Variants in KAZN observed in about 807,000 individuals in gnomAD.
KAZN encodes kazrin, periplakin interacting protein.
KAZN carries 40 observed loss-of-function variants against 87.4 expected under a neutral mutation model. That is an observed-to-expected ratio of 0.46 (90% CI 0.36 to 0.60). The LOEUF (loss-of-function observed/expected upper bound fraction) is 0.60. KAZN is among the 20% of genes least tolerant of loss of function. The pLI is 0.00. For missense variants in KAZN, 898 were observed against 1,073.9 expected, an observed-to-expected ratio of 0.84 and a Z score of 2.29; for synonymous variants, 466 against 458.3, an observed-to-expected ratio of 1.02 and a Z score of -0.22.
intron 1 of KAZN, among the ~76,000 whole-genome samples, chr1:14,839,021 A>G (rs1035822841): frequency 3.3e-5 from 5 of 152,208 alleles, no homozygotes; most frequent in African/African-American, 1.2e-4. Context: ...AACTCCTGCC[A>G]GGGGCATCAT....
At chr1:14,021,187 C>A (rs2101253973) in intron 1 of KAZN, among the ~76,000 whole-genome samples, 1 of 152,240 alleles carries the variant, frequency 6.6e-6, no homozygotes, top group African/African-American at 2.4e-5. Flanking sequence ...CACTAGATGC[C>A]AGCACACCAC....
At chr1:14,067,213 C>A (rs1033655802) in intron 1 of KAZN, among the ~76,000 whole-genome samples, 1 of 152,186 alleles carries the variant, frequency 6.6e-6, no homozygotes, top group Non-Finnish European at 1.5e-5. Context: ...CATAGCCTAG[C>A]ACAGTGCCTG....
chr1:15,033,361 T>C (rs1316339651), intron 2 of KAZN, among the ~76,000 whole-genome samples: 4 of 152,248 alleles, frequency 2.6e-5, no homozygotes, highest in Non-Finnish European at 4.4e-5. Flanking sequence ...TGGGCTCTGA[T>C]GAATAATGCT....
chr1:15,109,925 G>GTGTA (rs1491384691), intron 13 of KAZN, among the ~76,000 whole-genome samples: 2 of 77,668 alleles, frequency 2.6e-5, no homozygotes, highest in South Asian at 1.3e-3. Flanking sequence ...TTGTGTATGG[G>GTGTA]TGTGTGTGTG....
At chr1:14,777,698 G>T (rs1442211902) in intron 1 of KAZN, among the ~76,000 whole-genome samples, 1 of 152,140 alleles carries the variant, frequency 6.6e-6, no homozygotes, top group African/African-American at 2.4e-5. Context: ...TGTCACTCGG[G>T]TCTGAATAAA....
intron 2 of KAZN, among the ~76,000 whole-genome samples, chr1:14,518,982 G>A (rs985415241): frequency 6.6e-6 from 1 of 152,126 alleles, no homozygotes; most frequent in East Asian, 1.9e-4. Flanking sequence ...GTTGCTCTAG[G>A]GACCCTGAAT....
At chr1:14,013,442 T>C (rs1640414765) in intron 1 of KAZN, among the ~76,000 whole-genome samples, 1 of 152,058 alleles carries the variant, frequency 6.6e-6, no homozygotes, top group African/African-American at 2.4e-5. Context: ...AACCCCAAAA[T>C]GACAACCCCC....
intron 2 of KAZN, among the ~76,000 whole-genome samples, chr1:15,013,858 G>A (rs1412103290): frequency 2.0e-5 from 3 of 152,140 alleles, no homozygotes; most frequent in Non-Finnish European, 2.9e-5. Flanking sequence ...ACGTGCATGG[G>A]ATTGGGGTGA....
intron 2 of KAZN, among the ~76,000 whole-genome samples, chr1:14,245,114 C>T (rs531802230): frequency 1.3e-5 from 2 of 152,030 alleles, no homozygotes; most frequent in Non-Finnish European, 2.9e-5. Flanking sequence ...GTGCCCACCA[C>T]CACGCCTGGC....
chr1:14,344,100 C>T (rs1398992936), intron 2 of KAZN, among the ~76,000 whole-genome samples: 1 of 151,996 alleles, frequency 6.6e-6, no homozygotes, highest in African/African-American at 2.4e-5. Context: ...AAGATCTTGT[C>T]CTGCCTATTA....
At chr1:14,714,333 G>T (rs187537097) in intron 1 of KAZN, among the ~76,000 whole-genome samples, 34 of 152,256 alleles carry the variant, frequency 2.2e-4, no homozygotes, top group African/African-American at 8.2e-4. Context: ...TTCTCAATTA[G>T]CTGGATAATT....
chr1:14,962,199 C>T (rs1221165025), intron 2 of KAZN, among the ~76,000 whole-genome samples: 1 of 152,212 alleles, frequency 6.6e-6, no homozygotes, highest in African/African-American at 2.4e-5. Context: ...GACTATCCCC[C>T]AGAAAGCCTG....
intron 2 of KAZN, among the ~76,000 whole-genome samples, chr1:14,328,221 G>T (rs1281282257): frequency 6.6e-6 from 1 of 152,058 alleles, no homozygotes; most frequent in Non-Finnish European, 1.5e-5. Context: ...ACCAATCTCA[G>T]TTTCTTTAGC....
rs914187134 is a variant in KAZN, at chr1:15,066,420, C to T, written c.1222+667C>T. 2.0e-6 allele frequency: 2 copies of T among 985,124 alleles called. No individual in the cohort carries two copies. The highest frequency in any genetic ancestry group is 4.7e-5 in the South Asian group (1 of 21,260). 61.0% of individuals were successfully genotyped at this position (985,124 alleles called of 1,614,324 possible). ...CACTTTAACCACAAAACGCCATCGT[C>T]GTCAGGGTAAGCTCTGCTCTCTACA... On this transcript the variant is annotated intron_variant, in intron 8 of 14. Transcript: ENST00000376030. The surrounding 1 kb of genome is among the most constrained non-coding windows in gnomAD (Gnocchi z 4.3).
At chr1:14,756,805 GA>G (rs112863406) in intron 1 of KAZN, among the ~76,000 whole-genome samples, 5,576 of 152,212 alleles carry the variant, frequency 0.037, 327 homozygotes, top group African/African-American at 0.13. Context: ...GTTGAAAGAA[GA>G]ACAATTAATC....
chr1:14,098,508 T>A (rs79134570), intron 1 of KAZN, among the ~76,000 whole-genome samples: 6,900 of 152,238 alleles, frequency 0.045, 482 homozygotes, highest in African/African-American at 0.15. Flanking sequence ...AATGACTGCA[T>A]GAAAAGGGGT....
intron 1 of KAZN, among the ~76,000 whole-genome samples, chr1:14,742,616 G>A (rs992912938): frequency 2.6e-5 from 4 of 152,162 alleles, no homozygotes; most frequent in East Asian, 1.9e-4. Flanking sequence ...GCTTTTTCTC[G>A]CTTGTTGTGA....
At chr1:14,859,878 T>A (rs538356180) in intron 1 of KAZN, among the ~76,000 whole-genome samples, 1 of 152,344 alleles carries the variant, frequency 6.6e-6, no homozygotes, top group South Asian at 2.1e-4. Flanking sequence ...GATGCGGCAG[T>A]GGGACCATTC....
intron 2 of KAZN, among the ~76,000 whole-genome samples, chr1:14,453,743 G>A (rs1667410547): frequency 6.6e-6 from 1 of 152,176 alleles, no homozygotes; most frequent in East Asian, 1.9e-4. Flanking sequence ...TGCTGAGGCA[G>A]GAGAATCGCT....
Sources: gnomAD v4.1 joint callset for allele counts (sites outside exome capture counted in the v4.1 genomes callset) on GRCh38, gnomAD v4.1.1 for gene constraint, Gnocchi (gnomAD v3.1) non-coding constraint, MANE v1.5 for transcripts, NCBI Gene and HGNC (gene_info 2026-07-23, HGNC 2026-07-21) for gene names.